Variants in MYT1L observed in about 807,000 individuals in gnomAD.
The protein encoded by MYT1L is myelin transcription factor 1 like.
MYT1L carries 12 observed loss-of-function variants against 126.7 expected under a neutral mutation model. The ratio of observed to expected loss-of-function variants is 0.09; its 90% CI spans 0.06 to 0.15. The LOEUF is 0.15. Among genes scored for constraint, MYT1L ranks in the 10% least tolerant of loss-of-function variants. MYT1L has a pLI of 1.00. For synonymous variants in MYT1L, 541 were observed against 604.2 expected, an observed-to-expected ratio of 0.90 and a Z score of 1.53; for missense variants, 979 against 1,585.2, an observed-to-expected ratio of 0.62 and a Z score of 6.49.
intron 2 of MYT1L, among the ~76,000 whole-genome samples, chr2:2,227,809 T>A (rs1349216044): frequency 1.3e-5 from 2 of 152,226 alleles, no homozygotes; most frequent in African/African-American, 4.8e-5. Flanking sequence ...TTCACTGAAT[T>A]ATCAAAAACA....
At chr2:2,211,400 T>C (rs2093500226) in intron 2 of MYT1L, among the ~76,000 whole-genome samples, 1 of 152,228 alleles carries the variant, frequency 6.6e-6, no homozygotes, top group Admixed American at 6.5e-5. Flanking sequence ...ATGATCTTCA[T>C]GTATCGTTTT....
intron 8 of MYT1L, among the ~76,000 whole-genome samples, chr2:1,972,974 ACT>A (rs1466839197): frequency 6.6e-6 from 1 of 152,220 alleles, no homozygotes; most frequent in Non-Finnish European, 1.5e-5. Flanking sequence ...GTGTACAAAG[ACT>A]CTGATGCTAA....
intron 21 of MYT1L, among the ~76,000 whole-genome samples, chr2:1,836,725 C>T (rs66920128): frequency 0.42 from 62,519 of 147,364 alleles, 14,146 homozygotes; most frequent in East Asian, 0.66. Context: ...CCCAAAATTC[C>T]ATCAGCCTGC....
At chr2:2,095,458 C>T (rs569325186) in intron 3 of MYT1L, among the ~76,000 whole-genome samples, 5 of 152,172 alleles carry the variant, frequency 3.3e-5, no homozygotes, top group African/African-American at 1.2e-4. Flanking sequence ...AGAAATTAAG[C>T]GTATGCTATC....
At chr2:2,031,635 C>G (rs1456030611) in intron 4 of MYT1L, among the ~76,000 whole-genome samples, 1 of 143,436 alleles carries the variant, frequency 7.0e-6, no homozygotes, top group Non-Finnish European at 1.5e-5. Flanking sequence ...AGAAGGAGGG[C>G]CTTACACACA....
chr2:2,163,788 G>T (rs1270562059), intron 3 of MYT1L, among the ~76,000 whole-genome samples: 1 of 151,596 alleles, frequency 6.6e-6, no homozygotes, highest in African/African-American at 2.4e-5. Context: ...AAAAGACTTC[G>T]ACCTCCTGTG....
intron 1 of MYT1L, among the ~76,000 whole-genome samples, chr2:2,308,894 C>T (rs1264595357): frequency 6.6e-6 from 1 of 151,518 alleles, no homozygotes; most frequent in Non-Finnish European, 1.5e-5. Context: ...CTATACTCTC[C>T]CTGTGCTTCA....
chr2:2,130,630 T>G (rs933248146), intron 3 of MYT1L, among the ~76,000 whole-genome samples: 1 of 152,198 alleles, frequency 6.6e-6, no homozygotes, highest in Non-Finnish European at 1.5e-5. Flanking sequence ...GCAGGTCATT[T>G]TGACCCAGAG....
chr2:2,267,504 G>A (rs2095162679), intron 2 of MYT1L, among the ~76,000 whole-genome samples: 1 of 152,174 alleles, frequency 6.6e-6, no homozygotes. Context: ...GGGGAAATGA[G>A]GGGGATGAAA....
chr2:2,085,754 C>T (rs1176919735), intron 3 of MYT1L, among the ~76,000 whole-genome samples: 1 of 152,194 alleles, frequency 6.6e-6, no homozygotes, highest in African/African-American at 2.4e-5. Context: ...AGCTGGAGCC[C>T]AGATCGTAAG....
intron 1 of MYT1L, among the ~76,000 whole-genome samples, chr2:2,323,610 C>T (rs2096206479): frequency 6.6e-6 from 1 of 152,176 alleles, no homozygotes; most frequent in Non-Finnish European, 1.5e-5. Context: ...AGAAATGTGT[C>T]ACTGATGACA....
chr2:1,858,414 T>A (rs1436528770), intron 18 of MYT1L, among the ~76,000 whole-genome samples: 1 of 152,188 alleles, frequency 6.6e-6, no homozygotes, highest in East Asian at 1.9e-4. Flanking sequence ...ATCAAAAATA[T>A]TCAGAGAAAA....
intron 2 of MYT1L, among the ~76,000 whole-genome samples, chr2:2,274,394 G>T (rs1358480769): frequency 6.6e-6 from 1 of 152,192 alleles, no homozygotes; most frequent in East Asian, 1.9e-4. Context: ...ACAGTGGGCA[G>T]GTGGGTTAAT....
intron 3 of MYT1L, among the ~76,000 whole-genome samples, chr2:2,090,880 C>G (rs1277767849): frequency 6.6e-6 from 1 of 152,228 alleles, no homozygotes; most frequent in Non-Finnish European, 1.5e-5. Context: ...ACTTCCTTTG[C>G]TCATCCTTCA....
intron 3 of MYT1L, among the ~76,000 whole-genome samples, chr2:2,130,791 G>T (rs1414305658): frequency 1.3e-5 from 2 of 152,022 alleles, no homozygotes; most frequent in African/African-American, 4.8e-5. Context: ...ATAAAATGAG[G>T]GGAATAATAT....
intron 3 of MYT1L, among the ~76,000 whole-genome samples, chr2:2,089,380 G>C (rs1273237592): frequency 4.6e-5 from 7 of 152,198 alleles, no homozygotes; most frequent in Non-Finnish European, 8.8e-5. Flanking sequence ...GAATGCCTGG[G>C]GTAGGGAATG....
chr2:2,277,608 T>C (rs1232889249), intron 2 of MYT1L, among the ~76,000 whole-genome samples: 1 of 152,266 alleles, frequency 6.6e-6, no homozygotes, highest in African/African-American at 2.4e-5. Context: ...GTCCTGGGAC[T>C]GGTTCTTTTC....
At chr2:1,933,467 CA>C (rs571073699) in intron 9 of MYT1L, among the ~76,000 whole-genome samples, 1 of 152,186 alleles carries the variant, frequency 6.6e-6, no homozygotes, top group Non-Finnish European at 1.5e-5. Flanking sequence ...GAACACTGAA[CA>C]AAAATTTATT....
At chr2:2,317,365 C>T (rs1273182738) in intron 1 of MYT1L, among the ~76,000 whole-genome samples, 1 of 152,108 alleles carries the variant, frequency 6.6e-6, no homozygotes, top group Non-Finnish European at 1.5e-5. Context: ...TTTGAGATTG[C>T]TGTCCATGTG....
Sources: allele counts gnomAD v4.1 joint callset (sites outside exome capture counted in the v4.1 genomes callset), GRCh38; gene constraint gnomAD v4.1.1; transcripts MANE v1.5; gene names NCBI Gene and HGNC (gene_info 2026-07-23, HGNC 2026-07-21).